The following NUPR1 variants were observed in gnomAD, a reference collection of about 807,000 sequenced individuals.
NUPR1 encodes the protein nuclear protein 1, transcriptional regulator.
NUPR1 carries 8 observed loss-of-function variants against 7.3 expected under a neutral mutation model. The observed-to-expected ratio is 1.09, with a 90% CI of 0.64 to 1.97. The LOEUF (loss-of-function observed/expected upper bound fraction) is 1.97, where lower values mean the gene tolerates loss of function less well. Ranked by LOEUF, NUPR1 falls within the 30% of genes most tolerant of loss-of-function variation. The pLI is 0.00. For synonymous variants in NUPR1, 39 were observed against 44.5 expected, an observed-to-expected ratio of 0.88 and a Z score of 0.49; for missense variants, 96 against 111.7, an observed-to-expected ratio of 0.86 and a Z score of 0.63.
In NUPR1 at chr16:28,535,571, C is replaced by CTTTCTTTCTTTCGTTCCTTT. The variant is rs1555472555; in HGVS notation, c.*2111_*2112insAAAGGAACGAAAGAAAGAAA. ...TCTTTCTTTCTTTCTTTCCTTCCTT[C>CTTTCTTTCTTTCGTTCCTTT]CTTTCTTTCTTTCTTTCTTTCTTTC... On this transcript the variant is annotated 3_prime_UTR_variant, in exon 3 of 3. Coordinates refer to ENST00000324873, the MANE Select transcript of NUPR1 (RefSeq NM_012385.3). 1 of 71,886 alleles carries CTTTCTTTCTTTCGTTCCTTT rather than the reference C, an allele frequency of 1.4e-5. No individual in the cohort carries two copies. The highest frequency in any genetic ancestry group is 1.7e-4 in the Admixed American group (1 of 5,982). The allele number at this position is 71,886 out of a possible 1,614,324, so 4.5% of individuals were successfully genotyped here.
At position 28,538,870 on chromosome 16, in the gene NUPR1, T is replaced by G. The variant is rs753538365; in HGVS notation, c.38A>C (p.Gln13Pro). Reference protein sequence around the residue: ...TFPPATSAPQQPPGPEDEDSS... With the variant: ...TFPPATSAPQPPPGPEDEDSS... ...GTCCTCGTCCTCCGGGCCTGGGGGC[T>G]GCTGGGGGGCGCTGGTTGCTGGTGG... The change falls in exon 1 of 3, where the codon CAG becomes CCG. Residue 13 changes from glutamine to proline, a missense_variant. By Grantham distance (76) the Gln-to-Pro change is moderately conservative. Transcript: ENST00000324873. 1 of 1,613,486 alleles carries G rather than the reference T, an allele frequency of 6.2e-7. No homozygotes were observed.
rs2046598259 is a variant in NUPR1, at chr16:28,534,347, GGTCGTAGTCTGAC to G, written c.*3323_*3335del. ...ATACAGGTCCCCAAGGGTTCAAGCTGGTCGTAGTCTGACGTGCATCTGTTCCTGCTCTATCAGG... is the reference window on the plus strand; with the variant it reads ...ATACAGGTCCCCAAGGGTTCAAGCTGGTGCATCTGTTCCTGCTCTATCAGG... On this transcript the variant is annotated 3_prime_UTR_variant, in exon 3 of 3. Transcript: ENST00000324873. 6.6e-6 allele frequency: 1 copy of G among 152,194 alleles called. No homozygotes were observed. Among genetic ancestry groups the G allele is most frequent in the Admixed American group, 6.6e-5 (1 of 15,254 alleles). 9.4% of individuals were successfully genotyped at this position (152,194 alleles called of 1,614,324 possible).
At position 28,535,568 on chromosome 16, in the gene NUPR1, C is replaced by CTTTCTTTCTTTCTTTTCTTTCTTTCT. The variant is rs1567277461; in HGVS notation, c.*2114_*2115insAGAAAGAAAGAAAAGAAAGAAAGAAA. 29 of 34,978 alleles carry CTTTCTTTCTTTCTTTTCTTTCTTTCT rather than the reference C, an allele frequency of 8.3e-4. No individual in the cohort carries two copies. Among genetic ancestry groups the CTTTCTTTCTTTCTTTTCTTTCTTTCT allele is most frequent in the African/African-American group, 2.1e-3 (27 of 12,990 alleles). The allele number at this position is 34,978 out of a possible 1,614,324, so 2.2% of individuals were successfully genotyped here. On this transcript the variant is annotated 3_prime_UTR_variant, in exon 3 of 3. Coordinates refer to ENST00000324873, the MANE Select transcript of NUPR1 (RefSeq NM_012385.3). ...CCTTCTTTCTTTCTTTCTTTCCTTC[C>CTTTCTTTCTTTCTTTTCTTTCTTTCT]TTCCTTTCTTTCTTTCTTTCTTTCT...
At chr16:28,538,331 T>A (rs75552747) in intron 1 of NUPR1, 176 bp from the exon 2 acceptor site, 1 of 840,286 alleles carries the variant, frequency 1.2e-6, no homozygotes, top group East Asian at 2.6e-5. Context: ...CTGAGTAACA[T>A]AGCACTCCTG....
intron 1 of NUPR1, chr16:28,538,452 G>C (rs2046641459): frequency 1.7e-6 from 1 of 575,140 alleles, no homozygotes; most frequent in East Asian, 3.0e-5. Flanking sequence ...CACTTTGGGA[G>C]GCCAAGGCAG....
In NUPR1 at chr16:28,535,502, C is replaced by T. The variant is rs1440139216; in HGVS notation, c.*2181G>A. On this transcript the variant is annotated 3_prime_UTR_variant, in exon 3 of 3. Coordinates refer to ENST00000324873, the MANE Select transcript of NUPR1 (RefSeq NM_012385.3). ...GTGAGCCACTGTGCCGGGGCTCGCT[C>T]TTTTCTTTCTTTCTTTCTTTCTTTC... 5 of 114,792 alleles carry T rather than the reference C, an allele frequency of 4.4e-5. No homozygotes were observed. The highest frequency in any genetic ancestry group is 1.9e-4 in the African/African-American group (5 of 26,528). 7.1% of individuals were successfully genotyped at this position (114,792 alleles called of 1,614,324 possible).
chr16:28,538,848 C>T lies in NUPR1; in HGVS notation c.60G>A (p.Glu20=), dbSNP rs1312200399. 2.5e-6 allele frequency: 4 copies of T among 1,613,234 alleles called. No individual in the cohort carries two copies. The highest frequency in any genetic ancestry group is 4.5e-5 in the East Asian group (2 of 44,816). ...APQQPPGPED[E]DSSLDESDLY... is the part of the protein sequence containing the mutation. The stretch of plus-strand genomic sequence containing the variant: ...GGTCAGATTCATCCAGGCTGGAGTC[C>T]TCGTCCTCCGGGCCTGGGGGCTGCT... Residue 20 remains glutamate (E), a synonymous_variant, in exon 1 of 3, where the codon GAG becomes GAA. Coordinates refer to ENST00000324873, the MANE Select transcript of NUPR1 (RefSeq NM_012385.3).
chr16:28,537,959 A>G (rs540525903), intron 2 of NUPR1, 47 bp downstream of exon 2: 2 of 1,512,140 alleles, frequency 1.3e-6, no homozygotes, highest in East Asian at 2.3e-5. Flanking sequence ...CCTGTCCTTC[A>G]TGGCAGAAGC....
chr16:28,538,771 G>T, intron 1 of NUPR1, 25 bp downstream of exon 1: 1 of 1,557,354 alleles, frequency 6.4e-7, no homozygotes, highest in Non-Finnish European at 8.8e-7. Flanking sequence ...AGGAAGGACC[G>T]TGGAGATGGC....
chr16:28,535,532 T>TTTCC lies in NUPR1; in HGVS notation c.*2150_*2151insGGAA, dbSNP rs1567277294. ...CTTTCTTTCTTTCTTTCTTTCTTTC[T>TTTCC]TTCTTTCTTTCCTTCTTTCTTTCTT... On this transcript the variant is annotated 3_prime_UTR_variant, in exon 3 of 3. Transcript: ENST00000324873. The TTTCC allele has an allele frequency of 8.4e-4, 63 of 75,398 alleles. No individual in the cohort carries two copies. The highest frequency in any genetic ancestry group is 2.1e-3 in the African/African-American group (47 of 22,396). The allele number at this position is 75,398 out of a possible 1,614,324, so 4.7% of individuals were successfully genotyped here. A position where few individuals can be genotyped will look rare whatever the true frequency, so the allele number is the denominator to read the frequency against.
rs1567277277 is a variant in NUPR1, at chr16:28,535,524, T to TTTCC, written c.*2158_*2159insGGAA. 7.0e-5 allele frequency: 5 copies of TTTCC among 71,028 alleles called. No individual in the cohort carries two copies. Among genetic ancestry groups the TTTCC allele is most frequent in the African/African-American group, 2.4e-4 (5 of 20,864 alleles). 4.4% of individuals were successfully genotyped at this position (71,028 alleles called of 1,614,324 possible). On this transcript the variant is annotated 3_prime_UTR_variant, in exon 3 of 3. Transcript: ENST00000324873. ...GCTCTTTTCTTTCTTTCTTTCTTTC[T>TTTCC]TTCTTTCTTTCTTTCTTTCCTTCTT...
In NUPR1 at chr16:28,538,018, C is replaced by T. The variant is rs752079871; in HGVS notation, c.*1G>A. On this transcript the variant is annotated 3_prime_UTR_variant, in exon 2 of 3. Transcript: ENST00000324873. Reference sequence around the variant, plus strand: ...CCCGACTCCTTACCTCCAGCTCTGTCTCAGCGCCGTGCCCCTCGCTTCTTC... The same window carrying T: ...CCCGACTCCTTACCTCCAGCTCTGTTTCAGCGCCGTGCCCCTCGCTTCTTC... 1.1e-5 allele frequency: 18 copies of T among 1,612,356 alleles called. No individual in the cohort carries two copies. The highest frequency in any genetic ancestry group is 1.4e-5 in the Non-Finnish European group (17 of 1,179,112).
rs929828419 is a variant in NUPR1 at position 28,532,899 on chromosome 16, G to C, written c.*4784C>G. On this transcript the variant is annotated 3_prime_UTR_variant, in exon 3 of 3. Transcript: ENST00000324873. ...CCTCAGTTTTCCGGTCTGAAAAAAA[G>C]GGGATCATTAATAGTATGTCCTATT... 6.6e-6 allele frequency: 1 copy of C among 152,176 alleles called. No homozygotes were observed. Among genetic ancestry groups the C allele is most frequent in the East Asian group, 1.9e-4 (1 of 5,196 alleles). The allele number at this position is 152,176 out of a possible 1,614,324, so 9.4% of individuals were successfully genotyped here. A position where few individuals can be genotyped will look rare whatever the true frequency, so the allele number is the denominator to read the frequency against.
Position 28,534,303 on chromosome 16 carries a change from A to T in NUPR1, c.*3380T>A, listed in dbSNP as rs1276978818. On this transcript the variant is annotated 3_prime_UTR_variant, in exon 3 of 3. Coordinates refer to ENST00000324873, the MANE Select transcript of NUPR1 (RefSeq NM_012385.3). Reference sequence around the variant, plus strand: ...CATTCTGTGGCTGTGATTAGGCTGGACTCAAGGGAAGGGGATGGATACAGG... The same window carrying T: ...CATTCTGTGGCTGTGATTAGGCTGGTCTCAAGGGAAGGGGATGGATACAGG... 1 of 152,036 alleles carries T rather than the reference A, an allele frequency of 6.6e-6. No individual in the cohort carries two copies. The highest frequency in any genetic ancestry group is 2.4e-5 in the African/African-American group (1 of 41,358). The allele number at this position is 152,036 out of a possible 1,614,324, so 9.4% of individuals were successfully genotyped here. A position where few individuals can be genotyped will look rare whatever the true frequency, so the allele number is the denominator to read the frequency against.
chr16:28,538,925 C>T lies in NUPR1; in HGVS notation c.-18G>A, dbSNP rs182469440. The T allele has an allele frequency of 2.0e-3, 3,149 of 1,598,612 alleles. 7 individuals carry two copies. The highest frequency in any genetic ancestry group is 2.5e-3 in the Non-Finnish European group (2,880 of 1,168,870). ...GTGGCCATCGTGCCTGGCTTGTCTT[C>T]CCTGCCTCTCTTCTTCTCCTAACGC... On this transcript the variant is annotated 5_prime_UTR_variant, in exon 1 of 3. Transcript: ENST00000324873.
Position 28,535,594 on chromosome 16 carries a change from TTCTTTCTTTCTTTCTTTCTTTCTTTCTTC to T in NUPR1, c.*2060_*2088del, listed in dbSNP as rs1567277624. 4.2e-4 allele frequency: 20 copies of T among 47,164 alleles called. 1 individual carries two copies. The highest frequency in any genetic ancestry group is 3.0e-3 in the African/African-American group (20 of 6,674). The allele number at this position is 47,164 out of a possible 1,614,324, so 2.9% of individuals were successfully genotyped here. ...TTCCTTTCTTTCTTTCTTTCTTTCT[TTCTTTCTTTCTTTCTTTCTTTCTTTCTTC>T]TCTTTCTCTCTCTTTCTTCTTTTTC... is the stretch of plus-strand genomic sequence containing the variant. On this transcript the variant is annotated 3_prime_UTR_variant, in exon 3 of 3. Transcript: ENST00000324873.
chr16:28,535,575 T>TTCCTTCCTTCCTTCCTTCCTTCCTTC lies in NUPR1; in HGVS notation c.*2107_*2108insGAAGGAAGGAAGGAAGGAAGGAAGGA, dbSNP rs1244240251. ...TCTTTCTTTCTTTCCTTCCTTCCTT[T>TTCCTTCCTTCCTTCCTTCCTTCCTTC]CTTTCTTTCTTTCTTTCTTTCTTTC... is the stretch of plus-strand genomic sequence containing the variant. On this transcript the variant is annotated 3_prime_UTR_variant, in exon 3 of 3. Transcript: ENST00000324873. 2 of 41,410 alleles carry TTCCTTCCTTCCTTCCTTCCTTCCTTC rather than the reference T, an allele frequency of 4.8e-5. No individual in the cohort carries two copies. Among genetic ancestry groups the TTCCTTCCTTCCTTCCTTCCTTCCTTC allele is most frequent in the Admixed American group, 3.0e-4 (1 of 3,386 alleles). 2.6% of individuals were successfully genotyped at this position (41,410 alleles called of 1,614,324 possible).
rs752079871 is a variant in NUPR1 at position 28,538,018 on chromosome 16, C to G, written c.*1G>C. ...CCCGACTCCTTACCTCCAGCTCTGT[C>G]TCAGCGCCGTGCCCCTCGCTTCTTC... is the stretch of plus-strand genomic sequence containing the variant. On this transcript the variant is annotated 3_prime_UTR_variant, in exon 2 of 3. Transcript: ENST00000324873. 6.2e-7 allele frequency: 1 copy of G among 1,612,474 alleles called. No individual in the cohort carries two copies. The highest frequency in any genetic ancestry group is 8.5e-7 in the Non-Finnish European group (1 of 1,179,104).
At position 28,537,566 on chromosome 16, in the gene NUPR1, A is replaced by AG. The variant is rs1402595618; in HGVS notation, c.*116dup. ...GACTCAGTCAGCGGGAATAAGTCCTAGGGGTGGGGGGTGTGGCAAGCCGGC... is the reference window on the plus strand; with the variant it reads ...GACTCAGTCAGCGGGAATAAGTCCTAGGGGGTGGGGGGTGTGGCAAGCCGGC... On this transcript the variant is annotated 3_prime_UTR_variant, in exon 3 of 3. Transcript: ENST00000324873. 1.3e-5 allele frequency: 2 copies of AG among 155,236 alleles called. No homozygotes were observed. The highest frequency in any genetic ancestry group is 2.8e-5 in the Non-Finnish European group (2 of 70,198). The allele number at this position is 155,236 out of a possible 1,614,324, so 9.6% of individuals were successfully genotyped here.
Sources: allele counts gnomAD v4.1 joint callset, GRCh38; gene constraint gnomAD v4.1.1; transcripts MANE v1.5; gene names NCBI Gene and HGNC (gene_info 2026-07-23, HGNC 2026-07-21).